PRMT3: variants seen among roughly 807,000 people sequenced by gnomAD.
PRMT3 encodes protein arginine methyltransferase 3.
In PRMT3, 62 loss-of-function variants were observed where a neutral mutation model predicts 71.9. That is an observed-to-expected ratio of 0.86 (90% CI 0.70 to 1.07). PRMT3 has a LOEUF of 1.07. PRMT3 is among the 50% of genes least tolerant of loss of function. The pLI, the probability that PRMT3 is intolerant of heterozygous loss-of-function variation, is 0.00. For synonymous variants in PRMT3, 213 were observed against 220.4 expected (o/e 0.97, Z 0.30); for missense variants, 663 against 643.0 (o/e 1.03, Z -0.34).
At chr11:20,483,554 CAAAA>C (rs10583759) in intron 13 of PRMT3, among the ~76,000 whole-genome samples, 11,883 of 135,696 alleles carry the variant, frequency 0.088, 502 homozygotes, top group East Asian at 0.2. Context: ...CAGAGATTGC[CAAAA>C]AAAAAAAAAA....
rs1850579631 is a variant in PRMT3, at chr11:20,468,971, CAT to C, written c.1347+4426_1347+4427del. 3.3e-5 allele frequency among the ~76,000 whole-genome samples: 5 copies of C among 152,212 alleles called. No homozygotes were observed. In the South Asian group the frequency reaches 8.3e-4, roughly 25 times the overall value. ...CAGACTTTATATTTTAGGAATTTAA[CAT>C]GTGATATTTATATGTAAATGTCTTG... On this transcript the variant is annotated intron_variant, in intron 13 of 15. Coordinates refer to ENST00000331079, the MANE Select transcript of PRMT3 (RefSeq NM_005788.4).
Position 20,420,499 on chromosome 11 carries a change from C to T in PRMT3, c.894-6267C>T, listed in dbSNP as rs76069279. Among the ~76,000 whole-genome samples the T allele has an allele frequency of 9.6e-3, 1,457 of 152,210 alleles. 29 individuals carry two copies. Among genetic ancestry groups the T allele is most frequent in the African/African-American group, 0.034 (1,402 of 41,516 alleles). ...GGGTGAGTGAACATAATCGTCTGAG[C>T]GCCACCTCCTGTCAGATCAGTGGGG... On this transcript the variant is annotated intron_variant, in intron 9 of 15. Transcript: ENST00000331079.
intron 8 of PRMT3, among the ~76,000 whole-genome samples, chr11:20,404,219 T>TG (rs1565196767): frequency 9.7e-4 from 9 of 9,270 alleles, no homozygotes; most frequent in East Asian, 5.9e-3. Flanking sequence ...TAGTTTTTTT[T>TG]TTTTTTTTTT....
intron 15 of PRMT3, among the ~76,000 whole-genome samples, chr11:20,500,351 C>T (rs1401175049): frequency 1.3e-5 from 2 of 152,194 alleles, no homozygotes; most frequent in South Asian, 2.1e-4. Flanking sequence ...TTTATTAATT[C>T]AGTGCAATCT....
At chr11:20,424,747 A>G (rs1849507614) in intron 9 of PRMT3, among the ~76,000 whole-genome samples, 1 of 152,212 alleles carries the variant, frequency 6.6e-6, no homozygotes, top group Admixed American at 6.5e-5. Flanking sequence ...AAGCCACAGT[A>G]TGGCAGAATT....
rs561962239 is a variant in PRMT3 at position 20,445,383 on chromosome 11, C to G, written c.994-6747C>G. On this transcript the variant is annotated intron_variant, in intron 10 of 15. Transcript: ENST00000331079. Reference sequence around the variant, plus strand: ...CTTCCTATACCCCTACTATTATATTCCATACACAGAGGCAATCATTTTGTC... The same window carrying G: ...CTTCCTATACCCCTACTATTATATTGCATACACAGAGGCAATCATTTTGTC... Among the ~76,000 whole-genome samples the G allele has an allele frequency of 3.3e-5, 5 of 152,210 alleles. No individual in the cohort carries two copies. In the East Asian group the frequency reaches 9.6e-4, roughly 29 times the overall value.
At chr11:20,414,203 C>T (rs181681392) in intron 9 of PRMT3, among the ~76,000 whole-genome samples, 64 of 152,134 alleles carry the variant, frequency 4.2e-4, no homozygotes, top group Middle Eastern at 6.8e-3. Flanking sequence ...ATAATAAATA[C>T]CTCTACTAAC....
At position 20,426,868 on chromosome 11, in the gene PRMT3, G is replaced by A. The variant is rs1849558284; in HGVS notation, c.993+3G>A. The A allele has an allele frequency of 6.6e-7, 1 of 1,525,192 alleles. No individual in the cohort carries two copies. The highest frequency in any genetic ancestry group is 8.7e-7 in the Non-Finnish European group (1 of 1,148,722). The allele number at this position is 1,525,192 out of a possible 1,614,324, so 94.5% of individuals were successfully genotyped here. On this transcript the variant is annotated splice_donor_region_variant and intron_variant, in intron 10 of 15. Coordinates refer to ENST00000331079, the MANE Select transcript of PRMT3 (RefSeq NM_005788.4). ...ATGTTATCATATCTGAGTGGATGGT[G>A]AGTGTTTATAGAAAAAACTACTTTC... is the stretch of plus-strand genomic sequence containing the variant.
intron 9 of PRMT3, among the ~76,000 whole-genome samples, chr11:20,419,550 A>C (rs1172897984): frequency 6.6e-6 from 1 of 152,204 alleles, no homozygotes; most frequent in Non-Finnish European, 1.5e-5. Flanking sequence ...GAGTTGAGTA[A>C]GGAATCTGTA....
intron 10 of PRMT3, among the ~76,000 whole-genome samples, chr11:20,440,108 T>C (rs1849852447): frequency 1.3e-5 from 2 of 152,166 alleles, no homozygotes; most frequent in Admixed American, 6.5e-5. Flanking sequence ...TGGAGTAAAG[T>C]TCTAAATGGA....
At chr11:20,392,298 T>G in intron 4 of PRMT3, 38 bp downstream of exon 4, 1 of 1,529,572 alleles carries the variant, frequency 6.5e-7, no homozygotes, top group Non-Finnish European at 8.9e-7. Flanking sequence ...CGTTTAGAAA[T>G]CAAAGAAATG....
intron 13 of PRMT3, among the ~76,000 whole-genome samples, chr11:20,487,597 G>T (rs947823150): frequency 6.6e-6 from 1 of 152,156 alleles, no homozygotes; most frequent in Admixed American, 6.5e-5. Flanking sequence ...CTGGGTGTGG[G>T]TTTCACAGCT....
intron 15 of PRMT3, among the ~76,000 whole-genome samples, chr11:20,504,707 T>TGTGTGAGAGAGAGAGAGAGAGAGA (rs1332372470): frequency 5.2e-5 from 7 of 133,646 alleles, no homozygotes; most frequent in Admixed American, 2.3e-4. Flanking sequence ...TGTGTGTGTG[T>TGTGTGAGAGAGAGAGAGAGAGAGA]GAGAGAGAGA....
intron 10 of PRMT3, among the ~76,000 whole-genome samples, chr11:20,437,342 ATTT>A (rs1849782012): frequency 6.6e-6 from 1 of 152,016 alleles, no homozygotes; most frequent in African/African-American, 2.4e-5. Context: ...TAGGTTTTGT[ATTT>A]GAAATCATTC....
At chr11:20,490,660 TTC>T (rs1184280587) in intron 13 of PRMT3, among the ~76,000 whole-genome samples, 1 of 152,152 alleles carries the variant, frequency 6.6e-6, no homozygotes, top group African/African-American at 2.4e-5. Context: ...GCATTTCTAA[TTC>T]TGATTAAAAA....
rs1163099564 is a variant in PRMT3 at position 20,462,067 on chromosome 11, A to G, written c.1160A>G (p.Tyr387Cys). The G allele has an allele frequency of 1.5e-5, 24 of 1,613,226 alleles. No homozygotes were observed. Among genetic ancestry groups the G allele is most frequent in the Non-Finnish European group, 1.9e-5 (23 of 1,179,514 alleles). Residue 387 changes from tyrosine to cysteine, a missense_variant, in exon 12 of 16, where the codon TAT becomes TGT. By Grantham distance (194) the Tyr-to-Cys change is radical. Coordinates refer to ENST00000331079, the MANE Select transcript of PRMT3 (RefSeq NM_005788.4). ...AGAATTGCTTTTTGGGATGATGTCT[A>G]TGGCTTCAAGATGTCCTGCATGAAG... ...ADRIAFWDDV[Y>C]GFKMSCMKKA...
At chr11:20,474,483 G>A (rs1850730167) in intron 13 of PRMT3, among the ~76,000 whole-genome samples, 1 of 152,228 alleles carries the variant, frequency 6.6e-6, no homozygotes, top group South Asian at 2.1e-4. Context: ...CCTGGGGCCA[G>A]AGTATGCAAA....
chr11:20,447,369 A>C (rs1850054063), intron 10 of PRMT3, among the ~76,000 whole-genome samples: 1 of 152,056 alleles, frequency 6.6e-6, no homozygotes, highest in Non-Finnish European at 1.5e-5. Flanking sequence ...GGTGCCGGTG[A>C]GTAGAGCCCA....
intron 13 of PRMT3, among the ~76,000 whole-genome samples, chr11:20,469,958 C>T (rs979653530): frequency 5.3e-5 from 8 of 152,162 alleles, no homozygotes; most frequent in African/African-American, 1.7e-4. Flanking sequence ...AAAAAAGAAG[C>T]AGACTTTTTT....
Sources: allele counts gnomAD v4.1 joint callset (sites outside exome capture counted in the v4.1 genomes callset), GRCh38; gene constraint gnomAD v4.1.1; transcripts MANE v1.5; gene names NCBI Gene and HGNC (gene_info 2026-07-23, HGNC 2026-07-21).